The following RP1 variants were observed in gnomAD, a reference collection of about 807,000 sequenced individuals.
RP1 encodes the protein RP1 axonemal microtubule associated.
RP1 carries 16 observed loss-of-function variants against 14.8 expected under a neutral mutation model. The observed-to-expected ratio is 1.08, with a 90% CI of 0.73 to 1.65. The LOEUF (loss-of-function observed/expected upper bound fraction) is 1.65, where lower values mean the gene tolerates loss of function less well. Among genes scored for constraint, RP1 ranks in the 40% most tolerant of loss-of-function variants. The pLI is 0.00. For synonymous variants in RP1, 876 were observed against 883.6 expected, an observed-to-expected ratio of 0.99 and a Z score of 0.15; for missense variants, 2,631 against 2,535.0, an observed-to-expected ratio of 1.04 and a Z score of -0.81.
At position 54,630,786 on chromosome 8, in the gene RP1, T is replaced by A; in HGVS notation, c.*433T>A. 2.0e-6 allele frequency: 2 copies of A among 1,004,540 alleles called. No individual in the cohort carries two copies. Among genetic ancestry groups the A allele is most frequent in the Non-Finnish European group, 2.4e-6 (2 of 841,678 alleles). The allele number at this position is 1,004,540 out of a possible 1,614,324, so 62.2% of individuals were successfully genotyped here. Reference sequence around the variant, plus strand: ...CACTTATTCTTTTTAACTACTGATTTGATAAAAAGTATGATTATAAGATAT... The same window carrying A: ...CACTTATTCTTTTTAACTACTGATTAGATAAAAAGTATGATTATAAGATAT... On this transcript the variant is annotated 3_prime_UTR_variant, in exon 4 of 4. Coordinates refer to ENST00000220676, the MANE Select transcript of RP1 (RefSeq NM_006269.2).
At chr8:54,760,670 T>C (rs1362057527) in intron 22 of RP1, among the ~76,000 whole-genome samples, 1 of 152,288 alleles carries the variant, frequency 6.6e-6, no homozygotes, top group East Asian at 1.9e-4. Flanking sequence ...TTTATTGCTG[T>C]CCTCTTACAA....
rs1002860644 is a variant in RP1 at position 54,742,902 on chromosome 8, A to T, written c.2808+3873A>T. Among the ~76,000 whole-genome samples, 4 of 152,186 alleles carry T rather than the reference A, an allele frequency of 2.6e-5. No homozygotes were observed. The East Asian group carries it at 7.7e-4, about 29-fold the overall frequency. On this transcript the variant is annotated intron_variant, in intron 19 of 22. Transcript: ENST00000636932. ...TGATTCTTCAACTGGAGGAAAAAAC[A>T]TCCCCAGCAGAAGCTGTCCAAGGAA...
At chr8:54,825,163 G>A (rs1294825351) in intron 24 of RP1, among the ~76,000 whole-genome samples, 1 of 152,078 alleles carries the variant, frequency 6.6e-6, no homozygotes, top group African/African-American at 2.4e-5. Context: ...GTTTCATTGT[G>A]TTAGCCAGGG....
At chr8:54,718,795 T>C (rs1044193279) in intron 15 of RP1, among the ~76,000 whole-genome samples, 9 of 152,166 alleles carry the variant, frequency 5.9e-5, no homozygotes, top group Non-Finnish European at 1.0e-4. Context: ...TGCAAAGCTA[T>C]AGACACAGTA....
At chr8:54,642,145 A>T (rs557971234) in intron 3 of RP1, among the ~76,000 whole-genome samples, 17 of 152,334 alleles carry the variant, frequency 1.1e-4, no homozygotes, top group Middle Eastern at 3.4e-3. Context: ...ACATATGATT[A>T]TTAGGAACTC....
chr8:54,855,754 T>C (rs1451610649), intron 26 of RP1, among the ~76,000 whole-genome samples: 1 of 152,176 alleles, frequency 6.6e-6, no homozygotes, highest in East Asian at 1.9e-4. Flanking sequence ...CCCAGCCTTA[T>C]TAATAATCAG....
At chr8:54,570,635 A>C (rs1804500147) in intron 1 of RP1, among the ~76,000 whole-genome samples, 8 of 107,570 alleles carry the variant, frequency 7.4e-5, no homozygotes, top group Admixed American at 4.1e-4. Flanking sequence ...ACCTAGGTAA[A>C]CTTTTTTTTT....
At chr8:54,793,603 A>G (rs1443677103) in intron 24 of RP1, among the ~76,000 whole-genome samples, 1 of 152,014 alleles carries the variant, frequency 6.6e-6, no homozygotes, top group Non-Finnish European at 1.5e-5. Flanking sequence ...CAGATACAGA[A>G]AAAGCATTTG....
chr8:54,825,768 A>C (rs1489407751), intron 24 of RP1, among the ~76,000 whole-genome samples: 6 of 152,074 alleles, frequency 3.9e-5, no homozygotes, highest in Admixed American at 2.6e-4. Context: ...TCCTTTACAT[A>C]TTTTGCTTGA....
chr8:54,560,015 A>G (rs546398267), intron 1 of RP1, among the ~76,000 whole-genome samples: 31 of 152,226 alleles, frequency 2.0e-4, no homozygotes, highest in Non-Finnish European at 2.4e-4. Flanking sequence ...ATGTTGAATT[A>G]GTAACTGTTA....
chr8:54,764,442 C>G (rs1001789846), intron 22 of RP1, among the ~76,000 whole-genome samples: 3 of 152,248 alleles, frequency 2.0e-5, no homozygotes, highest in Non-Finnish European at 2.9e-5. Flanking sequence ...AAAGATGCGT[C>G]ACCTCTGCCA....
In RP1 at chr8:54,824,899, G is replaced by A. The variant is rs192942987; in HGVS notation, c.3616-12551G>A. On this transcript the variant is annotated intron_variant, in intron 24 of 28. Coordinates refer to the RP1 transcript ENST00000637698. ...TTTTTAAAACTCTCAGAAAAAATGC[G>A]AATATCAACTTGACAAAGAGCATCT... is the stretch of plus-strand genomic sequence containing the variant. Among the ~76,000 whole-genome samples, 510 of 151,970 alleles carry A rather than the reference G, an allele frequency of 3.4e-3. 33 individuals carry two copies. The South Asian group carries it at 0.099, about 29-fold the overall frequency.
rs528685490 is a variant in RP1 at position 54,624,455 on chromosome 8, A to G, written c.788-215A>G. ...CGAGACTCTGTCTCAAAAAAAAAAAAAAAAAAAAAAAAGAAAAAAAACAAA... is the reference window on the plus strand; with the variant it reads ...CGAGACTCTGTCTCAAAAAAAAAAAGAAAAAAAAAAAAGAAAAAAAACAAA... On this transcript the variant is annotated intron_variant, in intron 3 of 3. Transcript: ENST00000220676. Among the ~76,000 whole-genome samples, 378 of 150,766 alleles carry G rather than the reference A, an allele frequency of 2.5e-3. 1 individual carries two copies. The highest frequency in any genetic ancestry group is 8.2e-3 in the African/African-American group (339 of 41,202).
chr8:54,670,669 T>TTTTATA (rs1451246935), intron 7 of RP1, among the ~76,000 whole-genome samples: 2 of 63,534 alleles, frequency 3.1e-5, no homozygotes, highest in African/African-American at 1.7e-4. Context: ...ATATATATGT[T>TTTTATA]TTTATATATA....
At chr8:54,815,025 A>C (rs1811106457) in intron 24 of RP1, among the ~76,000 whole-genome samples, 1 of 152,254 alleles carries the variant, frequency 6.6e-6, no homozygotes, top group Non-Finnish European at 1.5e-5. Context: ...CTAATAAAAA[A>C]AGAATTTTGT....
chr8:54,592,800 T>C (rs1306905711), intron 1 of RP1, among the ~76,000 whole-genome samples: 2 of 152,176 alleles, frequency 1.3e-5, no homozygotes, highest in Non-Finnish European at 2.9e-5. Flanking sequence ...TGCCCCTTAG[T>C]GGCTCCAGGT....
At chr8:54,666,728 A>G (rs1255142742) in intron 7 of RP1, among the ~76,000 whole-genome samples, 1 of 151,782 alleles carries the variant, frequency 6.6e-6, no homozygotes, top group South Asian at 2.1e-4. Context: ...TCCAGGGAGA[A>G]ACTGGAAGTT....
At chr8:54,813,464 T>C (rs138624971) in intron 24 of RP1, among the ~76,000 whole-genome samples, 15 of 152,194 alleles carry the variant, frequency 9.9e-5, no homozygotes, top group African/African-American at 3.6e-4. Context: ...TGCCCAGAAA[T>C]AGGAGAGTAG....
chr8:54,827,148 G>A (rs1189427247), intron 24 of RP1, among the ~76,000 whole-genome samples: 1 of 152,036 alleles, frequency 6.6e-6, no homozygotes, highest in Non-Finnish European at 1.5e-5. Flanking sequence ...GAAGGCCTAG[G>A]ACATTACTGT....
Sources: gnomAD v4.1 joint callset for allele counts (sites outside exome capture counted in the v4.1 genomes callset) on GRCh38, gnomAD v4.1.1 for gene constraint, MANE v1.5 for transcripts, NCBI Gene and HGNC (gene_info 2026-07-23, HGNC 2026-07-21) for gene names.